The following KCNK2 variants were observed in gnomAD, a reference collection of about 807,000 sequenced individuals.
KCNK2 encodes the protein potassium two pore domain channel subfamily K member 2.
KCNK2 carries 21 observed loss-of-function variants against 40.5 expected under a neutral mutation model. That is an observed-to-expected ratio of 0.52 (90% CI 0.37 to 0.75). KCNK2 has a LOEUF of 0.75. Among genes scored for constraint, KCNK2 ranks in the 30% least tolerant of loss-of-function variants. The pLI, the probability that KCNK2 is intolerant of heterozygous loss-of-function variation, is 0.00. For synonymous variants in KCNK2, 191 were observed against 202.2 expected, an observed-to-expected ratio of 0.94 and a Z score of 0.47; for missense variants, 399 against 531.6, an observed-to-expected ratio of 0.75 and a Z score of 2.45.
intron 6 of KCNK2, among the ~76,000 whole-genome samples, chr1:215,232,782 GA>G (rs1289338681): frequency 6.6e-6 from 1 of 152,172 alleles, no homozygotes; most frequent in Admixed American, 6.5e-5. Flanking sequence ...TTCTGTTCAT[GA>G]AAGACTGGCT....
intron 6 of KCNK2, among the ~76,000 whole-genome samples, chr1:215,225,867 C>G (rs1000120834): frequency 7.2e-5 from 11 of 152,206 alleles, no homozygotes; most frequent in African/African-American, 2.6e-4. Context: ...AACAATGGTC[C>G]TTACCTTCAA....
At chr1:215,194,847 T>A in intron 5 of KCNK2, 106 bp from the exon 6 acceptor site, 1 of 873,588 alleles carries the variant, frequency 1.1e-6, no homozygotes, top group South Asian at 1.6e-5. Flanking sequence ...GAATACTAGA[T>A]TTCTATGTTT....
At chr1:215,091,314 G>T (rs2102536712) in intron 2 of KCNK2, among the ~76,000 whole-genome samples, 1 of 152,214 alleles carries the variant, frequency 6.6e-6, no homozygotes, top group Non-Finnish European at 1.5e-5. Context: ...TGACAAAGTA[G>T]ACCATGGAGC....
intron 2 of KCNK2, among the ~76,000 whole-genome samples, chr1:215,113,793 C>G (rs970812468): frequency 1.3e-5 from 2 of 151,984 alleles, no homozygotes; most frequent in Non-Finnish European, 2.9e-5. Context: ...ATGGGGTTTT[C>G]CCATGTTGAC....
At chr1:215,077,241 A>G (rs1428725657) in intron 1 of KCNK2, among the ~76,000 whole-genome samples, 1 of 152,190 alleles carries the variant, frequency 6.6e-6, no homozygotes, top group Non-Finnish European at 1.5e-5. Context: ...AGGGGTGGTA[A>G]GTGCCTTTGG....
intron 2 of KCNK2, among the ~76,000 whole-genome samples, chr1:215,110,702 C>T (rs1169506723): frequency 6.6e-6 from 1 of 151,714 alleles, no homozygotes; most frequent in African/African-American, 2.4e-5. Context: ...TTTTTAGGTT[C>T]GTGGCAAAAT....
chr1:215,027,181 C>T (rs1043732484), intron 1 of KCNK2, among the ~76,000 whole-genome samples: 2 of 151,996 alleles, frequency 1.3e-5, no homozygotes, highest in Admixed American at 6.5e-5. Context: ...AGTACATAAT[C>T]GTATCAGCAA....
rs1352921766 is a variant in KCNK2, at chr1:215,183,416, T to C, written c.823+11233T>C. On this transcript the variant is annotated intron_variant, in intron 5 of 6. Coordinates refer to ENST00000444842, the MANE Select transcript of KCNK2 (RefSeq NM_001017425.3). ...TTTTAACTTAACCTAAAATAGGTCA[T>C]GTAGACCTAAAGTGTCTACGTTTTT... 2.6e-5 allele frequency among the ~76,000 whole-genome samples: 4 copies of C among 152,208 alleles called. No individual in the cohort carries two copies. The East Asian group carries it at 7.7e-4, about 29-fold the overall frequency.
intron 1 of KCNK2, among the ~76,000 whole-genome samples, chr1:215,018,838 T>TA (rs908109309): frequency 7.4e-4 from 112 of 152,216 alleles, no homozygotes; most frequent in African/African-American, 2.6e-3. Context: ...TTTGCATTCT[T>TA]AAAAGATCAC....
chr1:215,110,884 G>A (rs1291923392), intron 2 of KCNK2, among the ~76,000 whole-genome samples: 1 of 151,950 alleles, frequency 6.6e-6, no homozygotes, highest in African/African-American at 2.4e-5. Flanking sequence ...CTAACATTAA[G>A]GTTCAGTCTT....
intron 6 of KCNK2, among the ~76,000 whole-genome samples, chr1:215,214,393 GTCCC>G (rs1479365809): frequency 6.6e-6 from 1 of 152,060 alleles, no homozygotes; most frequent in Non-Finnish European, 1.5e-5. Flanking sequence ...CTCCCACCAG[GTCCC>G]ACCACCAACA....
intron 6 of KCNK2, among the ~76,000 whole-genome samples, chr1:215,233,365 A>G (rs1011970371): frequency 1.3e-5 from 2 of 151,976 alleles, no homozygotes; most frequent in African/African-American, 4.8e-5. Flanking sequence ...CTGTATGATT[A>G]TGTGTGGATT....
At chr1:215,066,085 G>A (rs1279268893) in intron 1 of KCNK2, among the ~76,000 whole-genome samples, 1 of 151,696 alleles carries the variant, frequency 6.6e-6, no homozygotes, top group Non-Finnish European at 1.5e-5. Flanking sequence ...TGGACACAGG[G>A]AGGGGAACAT....
intron 2 of KCNK2, among the ~76,000 whole-genome samples, chr1:215,103,679 T>G (rs1660314744): frequency 6.6e-6 from 1 of 152,074 alleles, no homozygotes; most frequent in Admixed American, 6.6e-5. Flanking sequence ...ATGATGTTAT[T>G]TTATAATAAT....
chr1:215,006,081 CA>C, intron 1 of KCNK2: 1 of 790,462 alleles, frequency 1.3e-6, no homozygotes, highest in Non-Finnish European at 2.1e-6. Flanking sequence ...TAATTAAACT[CA>C]TTGGGTGGTT....
intron 1 of KCNK2, among the ~76,000 whole-genome samples, chr1:215,044,827 G>GTGCGCA (rs1491148340): frequency 1.5e-4 from 1 of 6,604 alleles, no homozygotes; most frequent in East Asian, 0.016. Flanking sequence ...GTGTGTGTGT[G>GTGCGCA]CGCGCGCACA....
chr1:215,170,070 G>T (rs750696098), intron 4 of KCNK2, among the ~76,000 whole-genome samples: 4 of 152,066 alleles, frequency 2.6e-5, no homozygotes, highest in Non-Finnish European at 4.4e-5. Context: ...TCACTCTGAG[G>T]GTAGGTGGCA....
chr1:215,125,606 G>T (rs1032889599), intron 3 of KCNK2, among the ~76,000 whole-genome samples: 1 of 151,756 alleles, frequency 6.6e-6, no homozygotes, highest in Non-Finnish European at 1.5e-5. Context: ...GGAGATGGGG[G>T]AGGGATAGCA....
chr1:215,134,778 T>G (rs1249777964), intron 3 of KCNK2, among the ~76,000 whole-genome samples: 1 of 152,082 alleles, frequency 6.6e-6, no homozygotes, highest in East Asian at 1.9e-4. Context: ...GAGCTCTGTG[T>G]CAAGAACCAG....
Sources: gnomAD v4.1 joint callset for allele counts (sites outside exome capture counted in the v4.1 genomes callset) on GRCh38, gnomAD v4.1.1 for gene constraint, MANE v1.5 for transcripts, NCBI Gene and HGNC (gene_info 2026-07-23, HGNC 2026-07-21) for gene names.